Variants in CSMD1 observed in about 807,000 individuals in gnomAD.
CSMD1 encodes CUB and sushi domain-containing protein 1.
Under a neutral mutation model 417.5 loss-of-function variants are expected in CSMD1, and 213 were observed. That is an observed-to-expected ratio of 0.51 (90% CI 0.46 to 0.57). The LOEUF (loss-of-function observed/expected upper bound fraction) is 0.57. Among genes scored for constraint, CSMD1 ranks in the 20% least tolerant of loss-of-function variants. The pLI is 0.00. For missense variants in CSMD1, 6,923 were observed against 4,529.7 expected (o/e 1.53, Z -15.17); for synonymous variants, 2,862 against 1,736.8 (o/e 1.65, Z -16.11).
At chr8:3,098,857 C>T (rs942022849) in intron 46 of CSMD1, among the ~76,000 whole-genome samples, 3 of 152,042 alleles carry the variant, frequency 2.0e-5, no homozygotes, top group South Asian at 2.1e-4. Context: ...ATAGCTCCCC[C>T]TCAGGGTTTT....
rs754776658 is a variant in CSMD1, at chr8:3,367,242, G to T, written c.2905C>A (p.Gln969Lys). Residue 969 changes from glutamine (Q) to lysine (K), a missense_variant, in exon 20 of 70, where the codon CAA becomes AAA. By Grantham distance (53) the Gln-to-Lys change is moderately conservative. Transcript: ENST00000635120. ...AGATGAAAGGTGTGAAAGATCATTT[G>T]AACTCCTGAGAAATGAAGCCGGGGG... is the stretch of plus-strand genomic sequence containing the variant. ...TIEVSHGKGV[Q>K]MIFHTFHLES... 14 of 1,607,450 alleles carry T rather than the reference G, an allele frequency of 8.7e-6. No individual in the cohort carries two copies. The Admixed American group carries it at 2.3e-4, about 27-fold the overall frequency.
intron 10 of CSMD1, among the ~76,000 whole-genome samples, chr8:3,521,848 C>T (rs1208904627): frequency 6.6e-6 from 1 of 152,184 alleles, no homozygotes; most frequent in Non-Finnish European, 1.5e-5. Context: ...TATTATCATA[C>T]TATCTATTCT....
intron 1 of CSMD1, among the ~76,000 whole-genome samples, chr8:4,890,733 G>A (rs1455128959): frequency 6.6e-6 from 1 of 152,108 alleles, no homozygotes; most frequent in Non-Finnish European, 1.5e-5. Flanking sequence ...AAAAGTAATT[G>A]CGGTGTTTGC....
At chr8:4,633,333 G>A (rs538742569) in intron 2 of CSMD1, among the ~76,000 whole-genome samples, 64 of 147,660 alleles carry the variant, frequency 4.3e-4, no homozygotes, top group Non-Finnish European at 6.1e-4. Flanking sequence ...TGAAAGCTCC[G>A]CCTCCCCAGT....
At chr8:3,554,279 G>A (rs1000438229) in intron 10 of CSMD1, among the ~76,000 whole-genome samples, 28 of 152,336 alleles carry the variant, frequency 1.8e-4, no homozygotes, top group African/African-American at 6.3e-4. Context: ...AAGTGGTAGG[G>A]AATATCTTAA....
At chr8:3,496,912 C>A (rs28826323) in intron 10 of CSMD1, among the ~76,000 whole-genome samples, 1 of 152,154 alleles carries the variant, frequency 6.6e-6, no homozygotes, top group African/African-American at 2.4e-5. Context: ...ATTGGACACT[C>A]AGGAACATGT....
chr8:4,038,344 T>C (rs1797723395), intron 3 of CSMD1, among the ~76,000 whole-genome samples: 1 of 152,070 alleles, frequency 6.6e-6, no homozygotes, highest in Non-Finnish European at 1.5e-5. Context: ...CATTAGCAAT[T>C]TTACTAAAAA....
chr8:3,773,681 A>G (rs528788435), intron 5 of CSMD1, among the ~76,000 whole-genome samples: 2 of 152,322 alleles, frequency 1.3e-5, no homozygotes, highest in South Asian at 2.1e-4. Context: ...GCTGACTTAC[A>G]GCAACAGCAT....
chr8:4,593,573 C>T (rs529848428), intron 2 of CSMD1, among the ~76,000 whole-genome samples: 48 of 152,158 alleles, frequency 3.2e-4, no homozygotes, highest in Non-Finnish European at 6.0e-4. Flanking sequence ...TATAATCACA[C>T]TTCATAATGA....
intron 3 of CSMD1, among the ~76,000 whole-genome samples, chr8:4,143,680 G>C (rs1273949196): frequency 2.0e-5 from 3 of 150,854 alleles, no homozygotes; most frequent in South Asian, 2.1e-4. Flanking sequence ...TTGGCATTTA[G>C]AATAATTGGA....
intron 57 of CSMD1, among the ~76,000 whole-genome samples, chr8:2,970,225 C>T (rs951649560): frequency 2.0e-5 from 3 of 152,164 alleles, no homozygotes; most frequent in Non-Finnish European, 4.4e-5. Flanking sequence ...CATAGCCCCA[C>T]AGAGGTGAGA....
chr8:3,063,735 A>T (rs1812741673), intron 49 of CSMD1, among the ~76,000 whole-genome samples: 1 of 152,182 alleles, frequency 6.6e-6, no homozygotes, highest in African/African-American at 2.4e-5. Context: ...TAAAAAGACA[A>T]ATACTATGTG....
chr8:4,617,462 GC>G lies in CSMD1; in HGVS notation c.302+19879del, dbSNP rs1184606133. Among the ~76,000 whole-genome samples, 3 of 152,210 alleles carry G rather than the reference GC, an allele frequency of 2.0e-5. No individual in the cohort carries two copies. In the East Asian group the frequency reaches 5.8e-4, roughly 29 times the overall value. The stretch of plus-strand genomic sequence containing the variant: ...GATATTTTGGTAAGGCAAATGCCTT[GC>G]CAGAAACAGAAAGGTAAACATTCTG... On this transcript the variant is annotated intron_variant, in intron 2 of 69. Transcript: ENST00000635120.
chr8:4,166,194 TAGTC>T (rs773823376), intron 3 of CSMD1, among the ~76,000 whole-genome samples: 3 of 152,174 alleles, frequency 2.0e-5, no homozygotes, highest in South Asian at 2.1e-4. Flanking sequence ...AAATGCAAAA[TAGTC>T]AGTTTTATGA....
At chr8:3,430,578 G>T (rs760889285) in intron 12 of CSMD1, among the ~76,000 whole-genome samples, 1 of 152,138 alleles carries the variant, frequency 6.6e-6, no homozygotes, top group Non-Finnish European at 1.5e-5. Context: ...AAGCTGAAGC[G>T]GGTGGATCAT....
chr8:4,335,929 C>G (rs935914533), intron 3 of CSMD1, among the ~76,000 whole-genome samples: 2 of 152,012 alleles, frequency 1.3e-5, no homozygotes, highest in African/African-American at 4.8e-5. Flanking sequence ...TGAGGGAGCC[C>G]CATATTGGAG....
chr8:4,983,820 G>A (rs1811026301), intron 1 of CSMD1, among the ~76,000 whole-genome samples: 1 of 118,358 alleles, frequency 8.4e-6, no homozygotes, highest in Non-Finnish European at 1.7e-5. Context: ...AGATCAAGGA[G>A]AGATTGGGTG....
At chr8:4,300,102 G>C (rs1797899268) in intron 3 of CSMD1, among the ~76,000 whole-genome samples, 2 of 152,160 alleles carry the variant, frequency 1.3e-5, no homozygotes, top group Non-Finnish European at 2.9e-5. Context: ...TTGCCCATTT[G>C]CTAATTAGGT....
chr8:3,512,508 C>T (rs778550493), intron 10 of CSMD1, among the ~76,000 whole-genome samples: 9 of 151,296 alleles, frequency 5.9e-5, no homozygotes, highest in East Asian at 1.9e-4. Context: ...ACCACATGAA[C>T]GGCTGGGCTG....
Sources: allele counts gnomAD v4.1 joint callset (sites outside exome capture counted in the v4.1 genomes callset), GRCh38; gene constraint gnomAD v4.1.1; transcripts MANE v1.5; gene names NCBI Gene and HGNC (gene_info 2026-07-23, HGNC 2026-07-21).